Variants in ENTREP2 observed in about 807,000 individuals in gnomAD.
The protein encoded by ENTREP2 is endosomal transmembrane epsin interactor 2, also known as protein ENTREP2.
chr15:29,145,434 A>G, the ENTREP2 span, among the ~76,000 whole-genome samples: 1 of 152,062 alleles, frequency 6.6e-6, no homozygotes, highest in Non-Finnish European at 1.5e-5. Context: ...CATCCTGGCT[A>G]ACACGGTGAA....
chr15:29,490,635 G>A, the ENTREP2 span, among the ~76,000 whole-genome samples: 2 of 152,198 alleles, frequency 1.3e-5, no homozygotes, highest in Non-Finnish European at 2.9e-5. Flanking sequence ...CAATCCTCTA[G>A]CTAGGTGTAA....
At chr15:29,268,810 C>T in the ENTREP2 span, 5 of 1,610,546 alleles carry the variant, frequency 3.1e-6, no homozygotes, top group South Asian at 2.2e-5. Context: ...TGGAGCTGGG[C>T]CACTAGGCTG....
chr15:29,607,359 T>A, the ENTREP2 span, among the ~76,000 whole-genome samples: 1 of 151,570 alleles, frequency 6.6e-6, no homozygotes, highest in South Asian at 2.1e-4. Flanking sequence ...GCATTACCCT[T>A]GTATTTGTTT....
chr15:29,164,153 C>A, the ENTREP2 span, among the ~76,000 whole-genome samples: 2 of 152,318 alleles, frequency 1.3e-5, no homozygotes, highest in African/African-American at 4.8e-5. Context: ...ATTAAAAGAA[C>A]TGCTAAAAGG....
the ENTREP2 span, among the ~76,000 whole-genome samples, chr15:29,599,224 G>A: frequency 6.6e-6 from 1 of 152,244 alleles, no homozygotes; most frequent in African/African-American, 2.4e-5. Context: ...TATTGCTGCT[G>A]AGCATGCACA....
the ENTREP2 span, among the ~76,000 whole-genome samples, chr15:29,187,675 A>G: frequency 6.6e-6 from 1 of 152,158 alleles, no homozygotes; most frequent in Non-Finnish European, 1.5e-5. Context: ...GACACAGAAG[A>G]GGTGCTCAAA....
chr15:29,464,228 T>TAA, the ENTREP2 span, among the ~76,000 whole-genome samples: 4 of 144,582 alleles, frequency 2.8e-5, no homozygotes, highest in African/African-American at 1.0e-4. Flanking sequence ...ACCATGATAC[T>TAA]AAAAAAAAAA....
the ENTREP2 span, among the ~76,000 whole-genome samples, chr15:29,651,945 GAGA>G: frequency 1.3e-5 from 2 of 152,222 alleles, no homozygotes; most frequent in African/African-American, 2.4e-5. Context: ...CTTCTGGCTG[GAGA>G]AGATCTGAAG....
the ENTREP2 span, among the ~76,000 whole-genome samples, chr15:29,556,179 C>G: frequency 6.6e-6 from 1 of 152,120 alleles, no homozygotes; most frequent in African/African-American, 2.4e-5. Flanking sequence ...ATCGTTTGAG[C>G]CCATGAGGTT....
At chr15:29,433,647 T>C in the ENTREP2 span, among the ~76,000 whole-genome samples, 1 of 152,114 alleles carries the variant, frequency 6.6e-6, no homozygotes, top group Non-Finnish European at 1.5e-5. Flanking sequence ...CTTCAAAGGC[T>C]GGCCCCACAG....
chr15:29,355,931 G>T, the ENTREP2 span, among the ~76,000 whole-genome samples: 2 of 152,052 alleles, frequency 1.3e-5, no homozygotes, highest in South Asian at 2.1e-4. Context: ...TGTGAAGGGG[G>T]TTTTAGATGC....
chr15:29,254,161 C>CAAA, the ENTREP2 span, among the ~76,000 whole-genome samples: 3,239 of 61,242 alleles, frequency 0.053, 707 homozygotes, highest in Non-Finnish European at 0.069. Context: ...TGTTAAAGAG[C>CAAA]AAAAAAAAAA....
At chr15:29,369,864 G>A in the ENTREP2 span, among the ~76,000 whole-genome samples, 2 of 152,172 alleles carry the variant, frequency 1.3e-5, no homozygotes, top group African/African-American at 2.4e-5. Flanking sequence ...GAAAGGATTA[G>A]TTTTGATAAG....
chr15:29,268,992 T>C, the ENTREP2 span: 1 of 1,614,150 alleles, frequency 6.2e-7, no homozygotes, highest in Non-Finnish European at 8.5e-7. Context: ...CGGTGTGGGG[T>C]ATCCGCCGGT....
the ENTREP2 span, chr15:29,235,187 A>G: frequency 1.5e-6 from 1 of 668,544 alleles, no homozygotes; most frequent in Non-Finnish European, 2.7e-6. Context: ...AATCTTTTCA[A>G]AGTGTCATAA....
At chr15:29,172,033 C>A in the ENTREP2 span, among the ~76,000 whole-genome samples, 1 of 152,062 alleles carries the variant, frequency 6.6e-6, no homozygotes, top group African/African-American at 2.4e-5. Flanking sequence ...AAATAATTCC[C>A]CAAAGAAACA....
the ENTREP2 span, among the ~76,000 whole-genome samples, chr15:29,207,724 G>T: frequency 6.6e-6 from 1 of 152,130 alleles, no homozygotes; most frequent in African/African-American, 2.4e-5. Flanking sequence ...CACCCAGGAA[G>T]TCCAGCTGGC....
At chr15:29,477,785 G>A in the ENTREP2 span, among the ~76,000 whole-genome samples, 4 of 151,798 alleles carry the variant, frequency 2.6e-5, 1 homozygote, top group South Asian at 6.2e-4. Context: ...GGAGGGGGTG[G>A]GTGTACTTCA....
the ENTREP2 span, among the ~76,000 whole-genome samples, chr15:29,489,420 GA>G: frequency 6.6e-6 from 1 of 152,232 alleles, no homozygotes; most frequent in Non-Finnish European, 1.5e-5. Flanking sequence ...GGTGCAGACA[GA>G]AAACATGGTG....
Sources: allele counts gnomAD v4.1 joint callset (sites outside exome capture counted in the v4.1 genomes callset), GRCh38; gene constraint gnomAD v4.1.1; transcripts MANE v1.5; gene names NCBI Gene and HGNC (gene_info 2026-07-23, HGNC 2026-07-21).